CCSER1: variants seen among roughly 807,000 people sequenced by gnomAD.
The protein encoded by CCSER1 is coiled-coil serine rich protein 1.
A neutral mutation model predicts 82.0 loss-of-function variants in CCSER1; 41 were observed. That is an observed-to-expected ratio of 0.50 (90% CI 0.39 to 0.65). The LOEUF (loss-of-function observed/expected upper bound fraction) is 0.65, where lower values mean the gene tolerates loss of function less well. Ranked by LOEUF, CCSER1 falls within the 30% of genes least tolerant of loss-of-function variation. The pLI is 0.00. For missense variants in CCSER1, 1,119 were observed against 1,064.2 expected (o/e 1.05, Z -0.72); for synonymous variants, 414 against 383.9 (o/e 1.08, Z -0.92).
chr4:90,541,981 T>G (rs964171310), intron 5 of CCSER1, among the ~76,000 whole-genome samples: 6 of 152,030 alleles, frequency 3.9e-5, no homozygotes, highest in Non-Finnish European at 8.8e-5. Flanking sequence ...AATCAGATAC[T>G]TATCAATTTA....
rs531806811 is a variant in CCSER1, at chr4:90,538,385, A to C, written c.1724+70031A>C. Among the ~76,000 whole-genome samples, 5 of 152,130 alleles carry C rather than the reference A, an allele frequency of 3.3e-5. No individual in the cohort carries two copies. The South Asian group carries it at 1.0e-3, about 32-fold the overall frequency. ...TTCCTAGTTTTTTCTTAAATGTAGA[A>C]TTTGATTTTCTTTCTCTTTTTTCTT... On this transcript the variant is annotated intron_variant, in intron 5 of 10. Transcript: ENST00000509176.
intron 7 of CCSER1, among the ~76,000 whole-genome samples, chr4:90,750,643 A>G (rs1245907270): frequency 6.6e-6 from 1 of 152,144 alleles, no homozygotes; most frequent in African/African-American, 2.4e-5. Context: ...CTGCCGATAT[A>G]GAGATATTTA....
At chr4:90,302,212 G>T (rs987412881) in intron 1 of CCSER1, among the ~76,000 whole-genome samples, 1 of 152,160 alleles carries the variant, frequency 6.6e-6, no homozygotes, top group East Asian at 1.9e-4. Flanking sequence ...GGGTATTAAA[G>T]CAAGGAGAAA....
At chr4:91,230,393 TAAGG>T in intron 10 of CCSER1, among the ~76,000 whole-genome samples, 1 of 152,100 alleles carries the variant, frequency 6.6e-6, no homozygotes, top group East Asian at 1.9e-4. Context: ...AGATAAAATA[TAAGG>T]GTTGATTGAG....
chr4:90,881,987 G>A (rs947838087), intron 8 of CCSER1, among the ~76,000 whole-genome samples: 2 of 151,998 alleles, frequency 1.3e-5, no homozygotes. Flanking sequence ...TTGGCCTGAA[G>A]AAATAACTAC....
chr4:91,079,483 C>T (rs1284947250), intron 9 of CCSER1, among the ~76,000 whole-genome samples: 1 of 151,668 alleles, frequency 6.6e-6, no homozygotes, highest in African/African-American at 2.4e-5. Context: ...CCAAATAAGG[C>T]CATCAATACT....
chr4:91,238,262 T>G (rs62311977), intron 10 of CCSER1, among the ~76,000 whole-genome samples: 5,678 of 152,170 alleles, frequency 0.037, 179 homozygotes, highest in African/African-American at 0.08. Context: ...AAAAGGTCCA[T>G]GGAGGAACCA....
intron 1 of CCSER1, among the ~76,000 whole-genome samples, chr4:90,171,817 A>C (rs142377146): frequency 6.6e-6 from 1 of 152,006 alleles, no homozygotes; most frequent in African/African-American, 2.4e-5. Context: ...GAAACCAATA[A>C]ATTTCTGTTG....
chr4:90,291,376 T>C (rs561107479), intron 1 of CCSER1, among the ~76,000 whole-genome samples: 117 of 152,144 alleles, frequency 7.7e-4, no homozygotes, highest in African/African-American at 2.7e-3. Context: ...ACTACCTAAA[T>C]GTTCCAAGAT....
intron 7 of CCSER1, among the ~76,000 whole-genome samples, chr4:90,748,039 T>TA (rs60535646): frequency 2.9e-5 from 1 of 34,366 alleles, no homozygotes. Context: ...CATTTTCTTC[T>TA]TTTTTTTTTA....
chr4:91,560,413 C>T (rs773455074), intron 10 of CCSER1, among the ~76,000 whole-genome samples: 17 of 151,570 alleles, frequency 1.1e-4, no homozygotes, highest in Admixed American at 2.6e-4. Context: ...TAAATGTTGA[C>T]TAAATGGATT....
At chr4:90,927,302 C>T (rs756291398) in intron 9 of CCSER1, among the ~76,000 whole-genome samples, 26 of 151,998 alleles carry the variant, frequency 1.7e-4, no homozygotes, top group Admixed American at 1.0e-3. Flanking sequence ...GCAGTTTCTT[C>T]CTTCATTAGC....
At chr4:91,154,280 A>C (rs920717991) in intron 10 of CCSER1, among the ~76,000 whole-genome samples, 6 of 152,026 alleles carry the variant, frequency 3.9e-5, no homozygotes, top group African/African-American at 9.7e-5. Context: ...AGCAGTGAGC[A>C]AGGCTCCATG....
intron 3 of CCSER1, among the ~76,000 whole-genome samples, chr4:90,333,479 A>C (rs1739751158): frequency 6.6e-6 from 1 of 152,208 alleles, no homozygotes; most frequent in South Asian, 2.1e-4. Flanking sequence ...AGAAAAAAAC[A>C]AACAGAAATT....
At chr4:90,520,733 A>C (rs1772994290) in intron 5 of CCSER1, among the ~76,000 whole-genome samples, 1 of 152,182 alleles carries the variant, frequency 6.6e-6, no homozygotes, top group South Asian at 2.1e-4. Context: ...ATTGTGCGCA[A>C]AGGAAGGAAG....
intron 9 of CCSER1, among the ~76,000 whole-genome samples, chr4:91,033,368 T>C (rs1741150290): frequency 6.6e-6 from 1 of 152,068 alleles, no homozygotes; most frequent in Non-Finnish European, 1.5e-5. Context: ...CAGAGAAGTA[T>C]TGCAGCAGGG....
chr4:91,333,216 A>AT (rs1304585559), intron 10 of CCSER1, among the ~76,000 whole-genome samples: 1 of 152,042 alleles, frequency 6.6e-6, no homozygotes, highest in Non-Finnish European at 1.5e-5. Flanking sequence ...AGAATTCTGA[A>AT]TACAGTATAA....
At chr4:91,154,151 G>T (rs1206907861) in intron 10 of CCSER1, among the ~76,000 whole-genome samples, 1 of 152,000 alleles carries the variant, frequency 6.6e-6, no homozygotes, top group Non-Finnish European at 1.5e-5. Context: ...GCTGTGGTGG[G>T]CTCCACCCAG....
intron 1 of CCSER1, among the ~76,000 whole-genome samples, chr4:90,153,838 T>C (rs189001972): frequency 6.6e-6 from 1 of 152,332 alleles, no homozygotes; most frequent in East Asian, 1.9e-4. Context: ...AGGTTGCCTA[T>C]TCACTCTGAT....
Sources: allele counts gnomAD v4.1 joint callset (sites outside exome capture counted in the v4.1 genomes callset), GRCh38; gene constraint gnomAD v4.1.1; transcripts MANE v1.5; gene names NCBI Gene and HGNC (gene_info 2026-07-23, HGNC 2026-07-21).